Variants in GOLIM4 observed in about 807,000 individuals in gnomAD.
GOLIM4 encodes golgi integral membrane protein 4.
GOLIM4 carries 71 observed loss-of-function variants against 107.4 expected under a neutral mutation model. That is an observed-to-expected ratio of 0.66 (90% CI 0.55 to 0.81). The LOEUF (loss-of-function observed/expected upper bound fraction) is 0.81, where lower values mean the gene tolerates loss of function less well. Among genes scored for constraint, GOLIM4 ranks in the 30% least tolerant of loss-of-function variants. The pLI is 0.00. For synonymous variants in GOLIM4, 327 were observed against 294.8 expected, an observed-to-expected ratio of 1.11 and a Z score of -1.12; for missense variants, 830 against 826.1, an observed-to-expected ratio of 1.00 and a Z score of -0.06.
chr3:168,050,603 C>A (rs1560090259), intron 1 of GOLIM4, among the ~76,000 whole-genome samples: 1 of 151,930 alleles, frequency 6.6e-6, no homozygotes, highest in South Asian at 2.1e-4. Context: ...CTCCCTTCAC[C>A]GCCAATCCAC....
chr3:168,048,456 T>C (rs1268029664), intron 1 of GOLIM4, 91 bp from the exon 2 acceptor site: 1 of 661,392 alleles, frequency 1.5e-6, no homozygotes, highest in East Asian at 2.7e-5. Flanking sequence ...GAAAACAGTG[T>C]AGAGTCTTTA....
chr3:168,058,768 G>A (rs754541259), intron 1 of GOLIM4, among the ~76,000 whole-genome samples: 1 of 152,024 alleles, frequency 6.6e-6, no homozygotes, highest in Non-Finnish European at 1.5e-5. Context: ...ACTCTACAAA[G>A]CAAATACTAT....
intron 1 of GOLIM4, among the ~76,000 whole-genome samples, chr3:168,084,691 T>G (rs1721537872): frequency 2.0e-5 from 3 of 152,120 alleles, no homozygotes; most frequent in Non-Finnish European, 4.4e-5. Context: ...CTAATATAGA[T>G]TTTGAAATGG....
chr3:168,042,915 T>C (rs1021852085), intron 5 of GOLIM4, among the ~76,000 whole-genome samples: 3 of 152,206 alleles, frequency 2.0e-5, no homozygotes, highest in Admixed American at 6.5e-5. Flanking sequence ...AAGATTCACC[T>C]GGGCAGTCTG....
intron 14 of GOLIM4, among the ~76,000 whole-genome samples, chr3:168,014,963 C>T (rs992023774): frequency 1.3e-5 from 2 of 150,396 alleles, no homozygotes; most frequent in Admixed American, 1.3e-4. Context: ...GGAAGCATTC[C>T]CTCTGAAAAC....
At chr3:168,023,119 T>C (rs1717803839) in intron 14 of GOLIM4, among the ~76,000 whole-genome samples, 1 of 152,204 alleles carries the variant, frequency 6.6e-6, no homozygotes, top group South Asian at 2.1e-4. Flanking sequence ...ATGTTTAATC[T>C]TCTGAATTTT....
At chr3:168,035,849 G>A (rs1477501764) in intron 8 of GOLIM4, among the ~76,000 whole-genome samples, 5 of 148,600 alleles carry the variant, frequency 3.4e-5, no homozygotes, top group African/African-American at 7.5e-5. Context: ...ACAGATGATT[G>A]GAAAAAAAAA....
At chr3:168,070,831 C>T (rs1020738267) in intron 1 of GOLIM4, among the ~76,000 whole-genome samples, 3 of 152,108 alleles carry the variant, frequency 2.0e-5, no homozygotes, top group African/African-American at 7.2e-5. Flanking sequence ...AGATCAAATC[C>T]ATATCTTAAA....
intron 1 of GOLIM4, among the ~76,000 whole-genome samples, chr3:168,055,801 C>A (rs373764092): frequency 0.01 from 1,034 of 103,224 alleles, no homozygotes; most frequent in East Asian, 0.025. Flanking sequence ...GACTCTGTCT[C>A]AAAAAAAAAA....
intron 1 of GOLIM4, among the ~76,000 whole-genome samples, chr3:168,076,396 T>TA (rs1560105890): frequency 6.6e-6 from 1 of 152,132 alleles, no homozygotes. Flanking sequence ...AATTAGTACC[T>TA]AAAAAAATAA....
chr3:168,095,226 C>G lies in GOLIM4; in HGVS notation c.60G>C (p.Leu20=). The G allele has an allele frequency of 1.2e-6, 2 of 1,612,370 alleles. No individual in the cohort carries two copies. The highest frequency in any genetic ancestry group is 1.7e-6 in the Non-Finnish European group (2 of 1,179,054). The change falls in exon 1 of 16, where the codon CTG becomes CTC. Residue 20 remains leucine (L), a synonymous_variant. Coordinates refer to ENST00000470487, the MANE Select transcript of GOLIM4 (RefSeq NM_014498.5). The part of the protein sequence containing the change: ...QKRIFQTLLL[L]TVVFGFLYGA... ...CGTAGAGAAAGCCGAACACGACGGT[C>G]AGCAGCAGCAGCGTCTGGAAAATCC...
At chr3:168,048,422 T>C (rs577013643) in intron 1 of GOLIM4, 57 bp from the exon 2 acceptor site, 1 of 783,258 alleles carries the variant, frequency 1.3e-6, no homozygotes, top group South Asian at 1.6e-5. Flanking sequence ...AAACTAAAAT[T>C]AACATCAATT....
At chr3:168,057,229 A>T (rs1720027293) in intron 1 of GOLIM4, among the ~76,000 whole-genome samples, 2 of 152,214 alleles carry the variant, frequency 1.3e-5, no homozygotes, top group Non-Finnish European at 2.9e-5. Context: ...GACTTCCCAG[A>T]CTTGTGGAAC....
chr3:168,079,808 T>C (rs1721254640), intron 1 of GOLIM4, among the ~76,000 whole-genome samples: 1 of 152,074 alleles, frequency 6.6e-6, no homozygotes, highest in African/African-American at 2.4e-5. Context: ...ATATCATTAA[T>C]TTTACACTAT....
At chr3:168,048,900 G>T (rs549391669) in intron 1 of GOLIM4, among the ~76,000 whole-genome samples, 2 of 152,298 alleles carry the variant, frequency 1.3e-5, no homozygotes, top group Admixed American at 6.5e-5. Context: ...GAAAGAGGAG[G>T]TGTATCTCCT....
chr3:168,021,128 A>G (rs1717653546), intron 14 of GOLIM4, among the ~76,000 whole-genome samples: 1 of 152,232 alleles, frequency 6.6e-6, no homozygotes, highest in Non-Finnish European at 1.5e-5. Context: ...AATCCAAAAT[A>G]AAACAGGTCC....
At chr3:168,011,162 G>A (rs1316651939) in intron 14 of GOLIM4, among the ~76,000 whole-genome samples, 2 of 150,200 alleles carry the variant, frequency 1.3e-5, no homozygotes, top group African/African-American at 5.0e-5. Flanking sequence ...GTGCCAGACA[G>A]TGGGTGCAGG....
At chr3:168,060,929 G>T (rs1202858654) in intron 1 of GOLIM4, among the ~76,000 whole-genome samples, 1 of 146,450 alleles carries the variant, frequency 6.8e-6, no homozygotes, top group Admixed American at 6.8e-5. Context: ...CTGCATGATT[G>T]TAAAATTAAC....
chr3:168,022,176 C>T (rs191684548), intron 14 of GOLIM4, among the ~76,000 whole-genome samples: 1 of 152,174 alleles, frequency 6.6e-6, no homozygotes, highest in African/African-American at 2.4e-5. Context: ...TACCTCTGAA[C>T]AGGTGTGGCC....
Sources: gnomAD v4.1 joint callset for allele counts (sites outside exome capture counted in the v4.1 genomes callset) on GRCh38, gnomAD v4.1.1 for gene constraint, MANE v1.5 for transcripts, NCBI Gene and HGNC (gene_info 2026-07-23, HGNC 2026-07-21) for gene names.